Variants in RPS6KA2 observed in about 807,000 individuals in gnomAD.
RPS6KA2 encodes ribosomal protein S6 kinase A2, also known as ribosomal protein S6 kinase alpha-2.
A neutral mutation model predicts 91.8 loss-of-function variants in RPS6KA2; 42 were observed. The ratio of observed to expected loss-of-function variants is 0.46; its 90% CI spans 0.36 to 0.59. The LOEUF (loss-of-function observed/expected upper bound fraction) is 0.59. Among genes scored for constraint, RPS6KA2 ranks in the 20% least tolerant of loss-of-function variants. The pLI, the probability that RPS6KA2 is intolerant of heterozygous loss-of-function variation, is 0.00. For missense variants in RPS6KA2, 798 were observed against 978.5 expected, an observed-to-expected ratio of 0.82 and a Z score of 2.46; for synonymous variants, 414 against 393.6, an observed-to-expected ratio of 1.05 and a Z score of -0.61.
At chr6:166,414,151 A>ATCT (rs1778417667) in intron 19 of RPS6KA2, among the ~76,000 whole-genome samples, 1 of 152,262 alleles carries the variant, frequency 6.6e-6, no homozygotes, top group African/African-American at 2.4e-5. Flanking sequence ...CTGAAGGTTT[A>ATCT]TCTTTTATTA....
rs564590328 is a variant in RPS6KA2 at position 166,837,698 on chromosome 6, C to T, written c.123+20502G>A. Reference sequence around the variant, plus strand: ...TGTGTCTTCCACCCGCCCTCTGCCCCTCCCGGGCTCCCCACCCTTCAGGCT... The same window carrying T: ...TGTGTCTTCCACCCGCCCTCTGCCCTTCCCGGGCTCCCCACCCTTCAGGCT... On this transcript the variant is annotated intron_variant, in intron 2 of 21. Coordinates refer to the RPS6KA2 transcript ENST00000503859. Among the ~76,000 whole-genome samples the T allele has an allele frequency of 2.6e-5, 4 of 152,338 alleles. No homozygotes were observed. The East Asian group carries it at 5.8e-4, about 22-fold the overall frequency.
intron 3 of RPS6KA2, among the ~76,000 whole-genome samples, chr6:166,526,876 T>A (rs952876298): frequency 2.6e-5 from 4 of 152,238 alleles, no homozygotes; most frequent in African/African-American, 9.6e-5. Context: ...CTCATGTGTG[T>A]ACACACAAAT....
intron 2 of RPS6KA2, among the ~76,000 whole-genome samples, chr6:166,724,896 T>C (rs904810420): frequency 1.3e-5 from 2 of 152,220 alleles, no homozygotes; most frequent in Non-Finnish European, 2.9e-5. Flanking sequence ...GCATTTTTGG[T>C]TTATTAGATT....
intron 2 of RPS6KA2, among the ~76,000 whole-genome samples, chr6:166,646,527 C>G (rs1317378039): frequency 6.6e-6 from 1 of 152,248 alleles, no homozygotes; most frequent in South Asian, 2.1e-4. Context: ...ATCTGTGCAG[C>G]GCAAGGGCCC....
At chr6:166,697,300 C>T (rs529097265) in intron 2 of RPS6KA2, among the ~76,000 whole-genome samples, 143 of 152,092 alleles carry the variant, frequency 9.4e-4, no homozygotes, top group Middle Eastern at 3.2e-3. Flanking sequence ...GAAATGAAAG[C>T]GGAAGTTGAC....
intron 2 of RPS6KA2, among the ~76,000 whole-genome samples, chr6:166,736,291 C>CT (rs1790667418): frequency 1.3e-5 from 2 of 152,320 alleles, no homozygotes; most frequent in Non-Finnish European, 2.9e-5. Flanking sequence ...GATGCTACTT[C>CT]AAAGCAGTGA....
At chr6:166,686,900 C>T (rs938117143) in intron 2 of RPS6KA2, among the ~76,000 whole-genome samples, 4 of 152,150 alleles carry the variant, frequency 2.6e-5, no homozygotes, top group African/African-American at 9.7e-5. Flanking sequence ...TTCCTTCACC[C>T]GAGGTTTGAA....
chr6:166,589,758 ACT>A (rs1218112033), intron 1 of RPS6KA2, among the ~76,000 whole-genome samples: 2 of 152,078 alleles, frequency 1.3e-5, no homozygotes, highest in African/African-American at 4.8e-5. Context: ...CTTACAGAAG[ACT>A]CTCACCCAGT....
intron 2 of RPS6KA2, among the ~76,000 whole-genome samples, chr6:166,780,752 C>A (rs1356568177): frequency 6.6e-6 from 1 of 152,182 alleles, no homozygotes; most frequent in African/African-American, 2.4e-5. Flanking sequence ...TCATCTGCAC[C>A]TGTAGAAAAT....
At chr6:166,827,256 C>CAAAAAAAAAAAAA (rs56296433) in intron 2 of RPS6KA2, among the ~76,000 whole-genome samples, 1 of 94,478 alleles carries the variant, frequency 1.1e-5, no homozygotes, top group Non-Finnish European at 2.0e-5. Context: ...CAACCTTATA[C>CAAAAAAAAAAAAA]AAAAAAAAAA....
At chr6:166,815,430 C>T (rs780080155) in intron 2 of RPS6KA2, among the ~76,000 whole-genome samples, 1 of 152,156 alleles carries the variant, frequency 6.6e-6, no homozygotes, top group Non-Finnish European at 1.5e-5. Flanking sequence ...CTTTTTAGCC[C>T]ACTGTGATTT....
intron 1 of RPS6KA2, chr6:166,542,317 T>TTA (rs1488963012): frequency 2.0e-5 from 3 of 152,266 alleles, no homozygotes; most frequent in African/African-American, 7.2e-5. Flanking sequence ...CTTTTCTGTT[T>TTA]TATGAAGCAG....
intron 2 of RPS6KA2, among the ~76,000 whole-genome samples, chr6:166,778,977 G>C (rs560748146): frequency 6.6e-6 from 1 of 152,304 alleles, no homozygotes. Flanking sequence ...GCAGTTTGTC[G>C]ATAGCAGATT....
chr6:166,600,098 C>G (rs963991258), intron 1 of RPS6KA2, among the ~76,000 whole-genome samples: 1 of 152,186 alleles, frequency 6.6e-6, no homozygotes, highest in African/African-American at 2.4e-5. Flanking sequence ...GCCTCGAACT[C>G]TTGGGCCCAA....
At position 166,495,135 on chromosome 6, in the gene RPS6KA2, C is replaced by T. The variant is rs540265635; in HGVS notation, c.747+3373G>A. Reference sequence around the variant, plus strand: ...TGGGACTATTATGTGATCTTGAGCCCGACACTTAGGCTCTTTCAGCTTTAG... The same window carrying T: ...TGGGACTATTATGTGATCTTGAGCCTGACACTTAGGCTCTTTCAGCTTTAG... On this transcript the variant is annotated intron_variant, in intron 8 of 20. Coordinates refer to ENST00000265678, the MANE Select transcript of RPS6KA2 (RefSeq NM_021135.6). The surrounding 1 kb of genome is among the most constrained non-coding windows in gnomAD (Gnocchi z 4.4). 9.9e-5 allele frequency among the ~76,000 whole-genome samples: 15 copies of T among 152,140 alleles called. No individual in the cohort carries two copies. The South Asian group carries it at 1.5e-3, about 15-fold the overall frequency.
intron 1 of RPS6KA2, among the ~76,000 whole-genome samples, chr6:166,609,766 C>T (rs1239939151): frequency 3.9e-5 from 6 of 152,272 alleles, no homozygotes; most frequent in Non-Finnish European, 4.4e-5. Flanking sequence ...TCCTAAAGTG[C>T]TGAGATTACA....
chr6:166,659,393 G>A (rs1261485945), intron 2 of RPS6KA2, among the ~76,000 whole-genome samples: 1 of 152,194 alleles, frequency 6.6e-6, no homozygotes, highest in Non-Finnish European at 1.5e-5. Context: ...GGCCGGGGAG[G>A]GGAGAGGGGG....
chr6:166,723,625 C>A (rs1460739762), intron 2 of RPS6KA2, among the ~76,000 whole-genome samples: 3 of 152,138 alleles, frequency 2.0e-5, no homozygotes, highest in Admixed American at 2.0e-4. Flanking sequence ...AAAATAAAGT[C>A]CGAACTAACT....
intron 2 of RPS6KA2, among the ~76,000 whole-genome samples, chr6:166,663,048 A>AT (rs1395807990): frequency 6.6e-6 from 1 of 152,084 alleles, no homozygotes; most frequent in Non-Finnish European, 1.5e-5. Flanking sequence ...ACTGAGAGAC[A>AT]TTAAGGGTCT....
Sources: gnomAD v4.1 joint callset for allele counts (sites outside exome capture counted in the v4.1 genomes callset) on GRCh38, gnomAD v4.1.1 for gene constraint, Gnocchi (gnomAD v3.1) non-coding constraint, MANE v1.5 for transcripts, NCBI Gene and HGNC (gene_info 2026-07-23, HGNC 2026-07-21) for gene names.